The following CABCOCO1 variants were observed in gnomAD, a reference collection of about 807,000 sequenced individuals.
CABCOCO1 encodes the protein ciliary-associated calcium-binding coiled-coil protein 1.
A neutral mutation model predicts 35.7 loss-of-function variants in CABCOCO1; 28 were observed. The ratio of observed to expected loss-of-function variants is 0.78; its 90% CI spans 0.58 to 1.07. The LOEUF is 1.07. Among genes scored for constraint, CABCOCO1 ranks in the 50% least tolerant of loss-of-function variants. CABCOCO1 has a pLI of 0.00. For missense variants in CABCOCO1, 326 were observed against 309.2 expected, an observed-to-expected ratio of 1.05 and a Z score of -0.41; for synonymous variants, 95 against 100.1, an observed-to-expected ratio of 0.95 and a Z score of 0.30.
At chr10:61,664,849 T>C (rs899114580) in intron 1 of CABCOCO1, among the ~76,000 whole-genome samples, 1 of 152,150 alleles carries the variant, frequency 6.6e-6, no homozygotes, top group African/African-American at 2.4e-5. Context: ...GATAGAAAAA[T>C]GGCAAGATTC....
chr10:61,682,224 C>A (rs986962850), intron 3 of CABCOCO1, among the ~76,000 whole-genome samples: 1 of 152,058 alleles, frequency 6.6e-6, no homozygotes, highest in South Asian at 2.1e-4. Context: ...GATATTATTG[C>A]AAAAATGAAT....
intron 5 of CABCOCO1, among the ~76,000 whole-genome samples, chr10:61,735,739 G>T (rs1009704141): frequency 1.3e-5 from 2 of 152,280 alleles, no homozygotes; most frequent in African/African-American, 4.8e-5. Context: ...AACCAAGTCA[G>T]ATGAGTGAGG....
intron 5 of CABCOCO1, among the ~76,000 whole-genome samples, chr10:61,704,233 A>G (rs1840541172): frequency 6.6e-6 from 1 of 152,068 alleles, no homozygotes; most frequent in Non-Finnish European, 1.5e-5. Context: ...AAAAATATAT[A>G]TATATATGCC....
chr10:61,667,078 TTATA>T (rs1330349532), intron 1 of CABCOCO1, among the ~76,000 whole-genome samples: 2 of 142,970 alleles, frequency 1.4e-5, no homozygotes, highest in Non-Finnish European at 1.5e-5. Context: ...TAAGTATATA[TTATA>T]TATAAATTTC....
chr10:61,666,048 G>A lies in CABCOCO1; in HGVS notation c.60+3016G>A, dbSNP rs1407790796. Reference sequence around the variant, plus strand: ...TAAAGTGTTATCACATCACCCAGTAGGTGACAATTACTCAATGCATTCACG... The same window carrying A: ...TAAAGTGTTATCACATCACCCAGTAAGTGACAATTACTCAATGCATTCACG... On this transcript the variant is annotated intron_variant, in intron 1 of 7. Coordinates refer to ENST00000648843, the MANE Select transcript of CABCOCO1 (RefSeq NM_001366906.2). 2.6e-5 allele frequency among the ~76,000 whole-genome samples: 4 copies of A among 152,272 alleles called. No individual in the cohort carries two copies. The East Asian group carries it at 5.8e-4, about 22-fold the overall frequency.
chr10:61,670,634 C>G (rs1055560778), intron 1 of CABCOCO1, among the ~76,000 whole-genome samples: 2 of 152,102 alleles, frequency 1.3e-5, no homozygotes, highest in African/African-American at 4.8e-5. Flanking sequence ...AGTTTTTTTG[C>G]TGCCCTTATC....
intron 5 of CABCOCO1, among the ~76,000 whole-genome samples, chr10:61,757,720 C>CAG (rs1589157442): frequency 6.6e-6 from 1 of 151,608 alleles, no homozygotes; most frequent in African/African-American, 2.4e-5. Context: ...CACACACACA[C>CAG]ACACAGTGCC....
intron 5 of CABCOCO1, among the ~76,000 whole-genome samples, chr10:61,692,213 G>T (rs1840166921): frequency 6.6e-6 from 1 of 152,146 alleles, no homozygotes; most frequent in African/African-American, 2.4e-5. Flanking sequence ...GTATCTCATT[G>T]TGGGTTTGAT....
At chr10:61,761,360 C>T (rs1842006125) in intron 7 of CABCOCO1, among the ~76,000 whole-genome samples, 1 of 152,082 alleles carries the variant, frequency 6.6e-6, no homozygotes, top group Non-Finnish European at 1.5e-5. Context: ...CCTTAATCCT[C>T]AGCTAAGTCT....
intron 5 of CABCOCO1, among the ~76,000 whole-genome samples, chr10:61,729,119 A>G (rs933422244): frequency 6.6e-6 from 1 of 152,182 alleles, no homozygotes; most frequent in Non-Finnish European, 1.5e-5. Context: ...AGATAAGTAT[A>G]AGACATAATA....
chr10:61,753,555 C>G (rs981213450), intron 5 of CABCOCO1, among the ~76,000 whole-genome samples: 1 of 151,892 alleles, frequency 6.6e-6, no homozygotes, highest in Non-Finnish European at 1.5e-5. Context: ...TTACTTTTGA[C>G]AAAATTTGTT....
rs1421356630 is a variant in CABCOCO1, at chr10:61,766,000, T to A, written c.878T>A (p.Leu293Ter). The A allele has an allele frequency of 1.2e-6, 2 of 1,612,828 alleles. No individual in the cohort carries two copies. The highest frequency in any genetic ancestry group is 1.7e-6 in the Non-Finnish European group (2 of 1,179,130). ...EEAFNARIEK[L>*]KKA ...GCCTTTAATGCACGAATAGAAAAAT[T>A]GAAAAAGGCCTAAGGACTTGGTACA... Residue 293 changes from leucine (L) to a stop codon, truncating the protein, a stop_gained, in exon 8 of 8, where the codon TTG becomes TAG. Coordinates refer to ENST00000648843, the MANE Select transcript of CABCOCO1 (RefSeq NM_001366906.2). LOFTEE classifies it high-confidence loss of function.
chr10:61,685,014 A>G (rs1839912351), intron 3 of CABCOCO1: 1 of 152,194 alleles, frequency 6.6e-6, no homozygotes, highest in Non-Finnish European at 1.5e-5. Context: ...TGTAGCTGTG[A>G]AAGAATAGAT....
intron 3 of CABCOCO1, among the ~76,000 whole-genome samples, chr10:61,682,397 T>G (rs1490666275): frequency 2.0e-5 from 3 of 152,144 alleles, no homozygotes; most frequent in Non-Finnish European, 2.9e-5. Flanking sequence ...AACAAACTTA[T>G]AGTCATCATT....
chr10:61,698,511 CTTGACTAGAG>C, intron 5 of CABCOCO1, among the ~76,000 whole-genome samples: 1 of 152,064 alleles, frequency 6.6e-6, no homozygotes, highest in East Asian at 1.9e-4. Context: ...AAGTGCTTAC[CTTGACTAGAG>C]TCACATTTTG....
chr10:61,758,024 C>G (rs940987357), intron 5 of CABCOCO1, among the ~76,000 whole-genome samples: 1 of 151,996 alleles, frequency 6.6e-6, no homozygotes, highest in Non-Finnish European at 1.5e-5. Flanking sequence ...AATATGGTGA[C>G]AGTAGACCAG....
At chr10:61,730,168 A>G (rs991775193) in intron 5 of CABCOCO1, among the ~76,000 whole-genome samples, 3 of 89,700 alleles carry the variant, frequency 3.3e-5, no homozygotes, top group Non-Finnish European at 3.0e-5. Flanking sequence ...CCATTGTCCA[A>G]TAAAAAAAAA....
intron 2 of CABCOCO1, among the ~76,000 whole-genome samples, chr10:61,675,559 A>G (rs1839488198): frequency 6.6e-6 from 1 of 152,218 alleles, no homozygotes. Context: ...TAAAAATAAA[A>G]AGCAAAGAAC....
intron 3 of CABCOCO1, among the ~76,000 whole-genome samples, chr10:61,681,616 T>C (rs1034987304): frequency 2.6e-5 from 4 of 152,152 alleles, no homozygotes; most frequent in African/African-American, 9.6e-5. Flanking sequence ...GTGAAATTTT[T>C]GTAAATTTAA....
Sources: gnomAD v4.1 joint callset for allele counts (sites outside exome capture counted in the v4.1 genomes callset) on GRCh38, gnomAD v4.1.1 for gene constraint, MANE v1.5 for transcripts, NCBI Gene and HGNC (gene_info 2026-07-23, HGNC 2026-07-21) for gene names.